Variants in KCNH1 observed in about 807,000 individuals in gnomAD.
KCNH1 encodes the protein potassium voltage-gated channel subfamily H member 1, also known as voltage-gated delayed rectifier potassium channel KCNH1.
In KCNH1, 27 loss-of-function variants were observed where a neutral mutation model predicts 69.2. The observed-to-expected ratio is 0.39, with a 90% CI of 0.29 to 0.54. The LOEUF (loss-of-function observed/expected upper bound fraction) is 0.54, where lower values mean the gene tolerates loss of function less well. Ranked by LOEUF, KCNH1 falls within the 20% of genes least tolerant of loss-of-function variation. The pLI, the probability that KCNH1 is intolerant of heterozygous loss-of-function variation, is 0.68. For missense variants in KCNH1, 798 were observed against 1,261.6 expected, an observed-to-expected ratio of 0.63 and a Z score of 5.57; for synonymous variants, 456 against 487.7, an observed-to-expected ratio of 0.93 and a Z score of 0.86.
rs57669878 is a variant in KCNH1 at position 210,738,552 on chromosome 1, C to CTTTT, written c.2112+36792_2112+36795dup. On this transcript the variant is annotated intron_variant, in intron 10 of 10. Coordinates refer to ENST00000271751, the MANE Select transcript of KCNH1 (RefSeq NM_172362.3). ...CTGTATTCCTGGCTTGGCTTTTTTG[C>CTTTT]TTTTTTTTTTTTTTTTTTTTTTTTT... Among the ~76,000 whole-genome samples the CTTTT allele has an allele frequency of 5.1e-4, 25 of 49,150 alleles. 1 individual carries two copies. Among genetic ancestry groups the CTTTT allele is most frequent in the Non-Finnish European group, 7.8e-4 (19 of 24,364 alleles). The allele number at this position is 49,150 out of a possible 152,430, so 32.2% of individuals were successfully genotyped here. A position where few individuals can be genotyped will look rare whatever the true frequency, so the allele number is the denominator to read the frequency against.
chr1:210,891,359 G>A (rs1428343186), intron 7 of KCNH1, among the ~76,000 whole-genome samples: 1 of 152,058 alleles, frequency 6.6e-6, no homozygotes, highest in African/African-American at 2.4e-5. Flanking sequence ...TTGGACACAG[G>A]GTGAGGAACA....
intron 5 of KCNH1, among the ~76,000 whole-genome samples, chr1:211,022,919 C>A (rs1240061245): frequency 6.6e-6 from 1 of 151,896 alleles, no homozygotes; most frequent in Non-Finnish European, 1.5e-5. Flanking sequence ...TGAGACCAGC[C>A]TGGCCAACAT....
At chr1:210,825,169 A>G (rs1315765767) in intron 7 of KCNH1, among the ~76,000 whole-genome samples, 1 of 152,180 alleles carries the variant, frequency 6.6e-6, no homozygotes, top group African/African-American at 2.4e-5. Flanking sequence ...CTGAATAACC[A>G]TAGTTTGAGA....
At chr1:211,062,975 T>TA (rs928124553) in intron 5 of KCNH1, among the ~76,000 whole-genome samples, 4 of 152,134 alleles carry the variant, frequency 2.6e-5, no homozygotes, top group African/African-American at 9.7e-5. Flanking sequence ...CCAAAAGAAA[T>TA]AAATCAGTAC....
chr1:210,849,369 T>C (rs564221395), intron 7 of KCNH1, among the ~76,000 whole-genome samples: 47 of 145,072 alleles, frequency 3.2e-4, no homozygotes, highest in South Asian at 3.1e-3. Flanking sequence ...TTCTTTCTTT[T>C]TTTTTTTTTT....
chr1:210,861,213 GA>G, intron 7 of KCNH1: 1 of 977,078 alleles, frequency 1.0e-6, no homozygotes, highest in Non-Finnish European at 1.7e-6. Context: ...CACATCAATG[GA>G]AAAATAACAT....
At chr1:210,933,485 A>AACATGTGCACATTGTGC (rs1488968503) in intron 6 of KCNH1, among the ~76,000 whole-genome samples, 1 of 151,698 alleles carries the variant, frequency 6.6e-6, no homozygotes, top group African/African-American at 2.4e-5. Flanking sequence ...GCACATTGTG[A>AACATGTGCACATTGTGC]ACATGTACCC....
chr1:210,801,684 T>C (rs1041826043), intron 8 of KCNH1, among the ~76,000 whole-genome samples: 1 of 152,200 alleles, frequency 6.6e-6, no homozygotes, highest in African/African-American at 2.4e-5. Context: ...TCCTGGTGCC[T>C]GGGAAAAGGA....
At chr1:210,814,095 A>C (rs1483053918) in intron 7 of KCNH1, among the ~76,000 whole-genome samples, 3 of 152,126 alleles carry the variant, frequency 2.0e-5, no homozygotes, top group African/African-American at 7.2e-5. Context: ...GACCAATACA[A>C]GTAGTAACAA....
At position 210,683,412 on chromosome 1, in the gene KCNH1, T is replaced by A; in HGVS notation, c.2839A>T (p.Ile947Phe). ...IKALNAKMTNIEKQLSEILRI... is the reference protein window; with the variant it reads ...IKALNAKMTNFEKQLSEILRI... ...AGTATCTCAGAGAGCTGTTTCTCAA[T>A]ATTGGTCATTTTGGCGTTTAAGGCC... The change falls in exon 11 of 11, where the codon ATT (isoleucine) becomes TTT (phenylalanine). Residue 947 changes from isoleucine (I) to phenylalanine (F), a missense_variant. Ile to Phe is a conservative substitution (Grantham distance 21). Transcript: ENST00000271751. This position sits in a 1 kb window ranked among gnomAD's most constrained non-coding sequence, Gnocchi z 5.7. 1 of 1,614,168 alleles carries A rather than the reference T, an allele frequency of 6.2e-7. No individual in the cohort carries two copies. The highest frequency in any genetic ancestry group is 1.1e-5 in the South Asian group (1 of 91,076).
chr1:210,973,385 C>T (rs1688548289), intron 6 of KCNH1, among the ~76,000 whole-genome samples: 1 of 152,126 alleles, frequency 6.6e-6, no homozygotes, highest in East Asian at 1.9e-4. Flanking sequence ...TCAAGGTCAA[C>T]AAAGACTCTT....
intron 6 of KCNH1, among the ~76,000 whole-genome samples, chr1:210,937,691 G>A (rs1263392620): frequency 6.6e-6 from 1 of 152,106 alleles, no homozygotes; most frequent in Non-Finnish European, 1.5e-5. Context: ...CATTGTTCCT[G>A]GCCACGTAGC....
At chr1:210,958,100 C>A (rs1688215791) in intron 6 of KCNH1, among the ~76,000 whole-genome samples, 1 of 152,140 alleles carries the variant, frequency 6.6e-6, no homozygotes, top group Non-Finnish European at 1.5e-5. Flanking sequence ...TCTTGTAAGG[C>A]AGGCCTGGTG....
At position 210,920,082 on chromosome 1, in the gene KCNH1, G is replaced by T. The variant is rs771683654; in HGVS notation, c.1033-13C>A. The T allele has an allele frequency of 6.2e-7, 1 of 1,607,698 alleles. No homozygotes were observed. Among genetic ancestry groups the T allele is most frequent in the Non-Finnish European group, 8.5e-7 (1 of 1,176,068 alleles). ...GGCTGCTGATGCCCTGGGAGAAGAG[G>T]AACACAGCGTCAGGGCCAAAGAACC... is the stretch of plus-strand genomic sequence containing the variant. On this transcript the variant is annotated splice_polypyrimidine_tract_variant and intron_variant, in intron 6 of 10. Transcript: ENST00000271751.
intron 6 of KCNH1, among the ~76,000 whole-genome samples, chr1:210,923,231 C>A (rs1306001914): frequency 6.6e-6 from 1 of 152,142 alleles, no homozygotes; most frequent in Non-Finnish European, 1.5e-5. Flanking sequence ...AATTGGAGAG[C>A]TAAGAGGGAG....
chr1:210,710,911 A>G (rs1330443764), intron 10 of KCNH1, among the ~76,000 whole-genome samples: 3 of 152,198 alleles, frequency 2.0e-5, no homozygotes, highest in East Asian at 1.9e-4. Context: ...AGGACAATTA[A>G]GGGTCATCAC....
chr1:211,024,030 G>T (rs913824692), intron 5 of KCNH1, among the ~76,000 whole-genome samples: 1 of 152,004 alleles, frequency 6.6e-6, no homozygotes, highest in African/African-American at 2.4e-5. Context: ...CTGCATACAC[G>T]TATCAAAATA....
At chr1:211,103,671 T>A in intron 2 of KCNH1, 69 bp from the exon 3 acceptor site, 1 of 1,016,448 alleles carries the variant, frequency 9.8e-7, no homozygotes. Context: ...ATGTTAAATA[T>A]CTGTTCTATA....
chr1:210,892,894 A>G (rs1403568995), intron 7 of KCNH1, among the ~76,000 whole-genome samples: 5 of 152,198 alleles, frequency 3.3e-5, no homozygotes, highest in Non-Finnish European at 7.4e-5. Context: ...CCTGCCCTAA[A>G]GCTCATAAAT....
Sources: gnomAD v4.1 joint callset for allele counts (sites outside exome capture counted in the v4.1 genomes callset) on GRCh38, gnomAD v4.1.1 for gene constraint, Gnocchi (gnomAD v3.1) non-coding constraint, MANE v1.5 for transcripts, NCBI Gene and HGNC (gene_info 2026-07-23, HGNC 2026-07-21) for gene names.